Variants in C12orf42 observed in about 807,000 individuals in gnomAD.
The protein encoded by C12orf42 is chromosome 12 open reading frame 42.
A neutral mutation model predicts 21.6 loss-of-function variants in C12orf42; 25 were observed. The observed-to-expected ratio is 1.16, with a 90% CI of 0.84 to 1.62. The LOEUF (loss-of-function observed/expected upper bound fraction) is 1.62, where lower values mean the gene tolerates loss of function less well. C12orf42 is among the 40% of genes most tolerant of loss of function. The probability of loss-of-function intolerance (pLI) is 0.00; values close to 1 mark genes in which losing one functional copy is unlikely to be tolerated. For missense variants in C12orf42, 483 were observed against 459.3 expected, an observed-to-expected ratio of 1.05 and a Z score of -0.47; for synonymous variants, 174 against 175.0, an observed-to-expected ratio of 0.99 and a Z score of 0.05.
chr12:103,095,543 C>A, the C12orf42 span, among the ~76,000 whole-genome samples: 4 of 152,182 alleles, frequency 2.6e-5, no homozygotes, highest in African/African-American at 4.8e-5. Flanking sequence ...GATCTACTCC[C>A]AATGGCCCTG....
intron 4 of C12orf42, among the ~76,000 whole-genome samples, chr12:103,287,255 G>A (rs2036524323): frequency 6.6e-6 from 1 of 152,182 alleles, no homozygotes; most frequent in African/African-American, 2.4e-5. Flanking sequence ...ACATGCACAT[G>A]TATGTTTACT....
chr12:103,435,260 T>A (rs1208598976), intron 2 of C12orf42, among the ~76,000 whole-genome samples: 4 of 151,942 alleles, frequency 2.6e-5, no homozygotes, highest in Admixed American at 6.6e-5. Context: ...TACATCACCA[T>A]CATCAAAGAC....
chr12:103,415,984 T>C (rs1212165867), intron 2 of C12orf42, among the ~76,000 whole-genome samples: 1 of 151,886 alleles, frequency 6.6e-6, no homozygotes, highest in East Asian at 1.9e-4. Flanking sequence ...CAGATGGGTC[T>C]ACATGATTTA....
intron 4 of C12orf42, among the ~76,000 whole-genome samples, chr12:103,333,553 C>T (rs1034581249): frequency 6.6e-6 from 1 of 152,070 alleles, no homozygotes; most frequent in African/African-American, 2.4e-5. Context: ...AAGGAAGAAA[C>T]AAAGAAGAAT....
the C12orf42 span, among the ~76,000 whole-genome samples, chr12:103,069,093 T>G: frequency 6.7e-6 from 1 of 150,298 alleles, no homozygotes; most frequent in African/African-American, 2.4e-5. Flanking sequence ...CTTAGATATT[T>G]TCTACTGACC....
chr12:103,422,760 T>G (rs925125095), intron 2 of C12orf42, among the ~76,000 whole-genome samples: 1 of 151,420 alleles, frequency 6.6e-6, no homozygotes, highest in African/African-American at 2.4e-5. Flanking sequence ...CAAGCAAGAC[T>G]GTAACTGTAA....
At chr12:103,513,879 C>G in the C12orf42 span, among the ~76,000 whole-genome samples, 2 of 151,988 alleles carry the variant, frequency 1.3e-5, no homozygotes, top group African/African-American at 2.4e-5. Context: ...ATATGCTATG[C>G]TTTGTGATAA....
chr12:103,362,112 C>G (rs1432823507), intron 4 of C12orf42, among the ~76,000 whole-genome samples: 4 of 152,158 alleles, frequency 2.6e-5, no homozygotes, highest in Non-Finnish European at 5.9e-5. Context: ...ATTTTACCCC[C>G]CTGCCACCTC....
At chr12:103,373,633 A>G (rs1268530574) in intron 3 of C12orf42, among the ~76,000 whole-genome samples, 1 of 152,244 alleles carries the variant, frequency 6.6e-6, no homozygotes, top group Non-Finnish European at 1.5e-5. Flanking sequence ...GAGTTTCTCC[A>G]TCTCAGTATT....
chr12:103,362,951 C>T lies in C12orf42; in HGVS notation c.259+5936G>A, dbSNP rs191704346. Reference sequence around the variant, plus strand: ...GGGGAATAACTGAGGAAATCTTCCCCGGCCTTGCTAGAGACCTAGACATCC... The same window carrying T: ...GGGGAATAACTGAGGAAATCTTCCCTGGCCTTGCTAGAGACCTAGACATCC... On this transcript the variant is annotated intron_variant, in intron 4 of 5. Coordinates refer to ENST00000548883, the MANE Select transcript of C12orf42 (RefSeq NM_198521.5). Among the ~76,000 whole-genome samples, 1,041 of 152,112 alleles carry T rather than the reference C, an allele frequency of 6.8e-3. 37 individuals are homozygous for T. Among genetic ancestry groups the T allele is most frequent in the Middle Eastern group, 0.01 (3 of 294 alleles).
intron 3 of C12orf42, among the ~76,000 whole-genome samples, chr12:103,380,458 T>C (rs961580775): frequency 1.3e-5 from 2 of 152,108 alleles, no homozygotes; most frequent in Non-Finnish European, 2.9e-5. Context: ...AGAGTGCTCA[T>C]TGCTGAATAC....
At chr12:103,541,173 G>A in the C12orf42 span, among the ~76,000 whole-genome samples, 1 of 152,146 alleles carries the variant, frequency 6.6e-6, no homozygotes, top group Non-Finnish European at 1.5e-5. Context: ...CAAAGTGCTA[G>A]GATTACAGAT....
At chr12:103,519,097 T>C in the C12orf42 span, among the ~76,000 whole-genome samples, 1 of 152,136 alleles carries the variant, frequency 6.6e-6, no homozygotes, top group African/African-American at 2.4e-5. Flanking sequence ...GATGGTTTCA[T>C]AAGGAGTTCT....
chr12:103,417,810 T>C (rs1277032113), intron 2 of C12orf42, among the ~76,000 whole-genome samples: 2 of 152,168 alleles, frequency 1.3e-5, no homozygotes, highest in African/African-American at 2.4e-5. Context: ...AGTGAGTGGA[T>C]AGAAAGATAA....
chr12:103,547,369 G>A, the C12orf42 span, among the ~76,000 whole-genome samples: 12 of 152,202 alleles, frequency 7.9e-5, no homozygotes, highest in African/African-American at 2.4e-4. Context: ...CTATTGGACC[G>A]AGCTGAGAGC....
chr12:103,386,285 A>G (rs911021392), intron 3 of C12orf42, among the ~76,000 whole-genome samples: 1 of 152,040 alleles, frequency 6.6e-6, no homozygotes, highest in African/African-American at 2.4e-5. Context: ...AGCCACCTCA[A>G]AGCTGGTACT....
chr12:103,124,120 T>A, the C12orf42 span, among the ~76,000 whole-genome samples: 1 of 151,014 alleles, frequency 6.6e-6, no homozygotes, highest in African/African-American at 2.4e-5. Flanking sequence ...ATTTGTAGTT[T>A]AATTGATCCA....
At chr12:103,514,201 G>A in the C12orf42 span, among the ~76,000 whole-genome samples, 1 of 152,160 alleles carries the variant, frequency 6.6e-6, no homozygotes, top group African/African-American at 2.4e-5. Context: ...ACAAGAACAG[G>A]ATGGGGGAAA....
the C12orf42 span, among the ~76,000 whole-genome samples, chr12:103,058,677 T>G: frequency 6.6e-6 from 1 of 152,260 alleles, no homozygotes; most frequent in Non-Finnish European, 1.5e-5. Flanking sequence ...GTCAAGAAAC[T>G]CACTCAAACT....
Sources: allele counts gnomAD v4.1 joint callset (sites outside exome capture counted in the v4.1 genomes callset), GRCh38; gene constraint gnomAD v4.1.1; transcripts MANE v1.5; gene names NCBI Gene and HGNC (gene_info 2026-07-23, HGNC 2026-07-21).